CAMTA1: variants seen among roughly 807,000 people sequenced by gnomAD.
The protein encoded by CAMTA1 is calmodulin-binding transcription activator 1.
In CAMTA1, 27 loss-of-function variants were observed where a neutral mutation model predicts 170.9. That is an observed-to-expected ratio of 0.16 (90% CI 0.12 to 0.22). The LOEUF is 0.22. Ranked by LOEUF, CAMTA1 falls within the 10% of genes least tolerant of loss-of-function variation. The pLI, the probability that CAMTA1 is intolerant of heterozygous loss-of-function variation, is 1.00. For synonymous variants in CAMTA1, 833 were observed against 891.5 expected, an observed-to-expected ratio of 0.93 and a Z score of 1.17; for missense variants, 1,619 against 2,217.2, an observed-to-expected ratio of 0.73 and a Z score of 5.42.
intron 11 of CAMTA1, among the ~76,000 whole-genome samples, chr1:7,727,659 A>G (rs2096700550): frequency 6.6e-6 from 1 of 152,242 alleles, no homozygotes; most frequent in South Asian, 2.1e-4. Context: ...TGTATTCCCT[A>G]TATCCCGTAA....
At chr1:7,421,504 G>T (rs114501806) in intron 5 of CAMTA1, among the ~76,000 whole-genome samples, 1 of 152,150 alleles carries the variant, frequency 6.6e-6, no homozygotes, top group Non-Finnish European at 1.5e-5. Context: ...GAGGCTGAAC[G>T]TGACGAGTGC....
intron 4 of CAMTA1, among the ~76,000 whole-genome samples, chr1:7,227,476 C>G (rs762062676): frequency 1.3e-5 from 2 of 152,114 alleles, no homozygotes; most frequent in Admixed American, 6.5e-5. Context: ...TACAGGCATG[C>G]GCCACCATGC....
chr1:7,607,901 A>G (rs1210647570), intron 6 of CAMTA1, among the ~76,000 whole-genome samples: 1 of 152,174 alleles, frequency 6.6e-6, no homozygotes, highest in East Asian at 1.9e-4. Flanking sequence ...TTGTTGGAGT[A>G]GACTGTGTGG....
chr1:7,743,826 TC>T (rs2096835908), intron 16 of CAMTA1, among the ~76,000 whole-genome samples: 1 of 151,450 alleles, frequency 6.6e-6, no homozygotes, highest in Non-Finnish European at 1.5e-5. Flanking sequence ...TTTTTTCTTT[TC>T]TTTTCTTTTT....
chr1:7,354,118 C>A (rs1175202534), intron 5 of CAMTA1, among the ~76,000 whole-genome samples: 1 of 151,870 alleles, frequency 6.6e-6, no homozygotes, highest in African/African-American at 2.4e-5. Flanking sequence ...CGTAGTATTC[C>A]ACGGTGCATA....
chr1:7,129,870 T>G (rs530594332), intron 4 of CAMTA1, among the ~76,000 whole-genome samples: 9 of 152,250 alleles, frequency 5.9e-5, no homozygotes, highest in Non-Finnish European at 1.0e-4. Flanking sequence ...TTCTAGCATT[T>G]TATAAGTATG....
chr1:6,899,559 CA>C (rs1468095768), intron 3 of CAMTA1, among the ~76,000 whole-genome samples: 1 of 83,144 alleles, frequency 1.2e-5, no homozygotes, highest in Non-Finnish European at 2.2e-5. Context: ...CGCGCGCACA[CA>C]CACACACACA....
intron 11 of CAMTA1, among the ~76,000 whole-genome samples, chr1:7,696,495 G>GTT (rs368573981): frequency 0.01 from 1,533 of 147,310 alleles, 14 homozygotes; most frequent in African/African-American, 0.023. Flanking sequence ...TGCCCAGCCA[G>GTT]TTTTTTTTTT....
At position 7,215,691 on chromosome 1, in the gene CAMTA1, A is replaced by T. The variant is rs190895931; in HGVS notation, c.303-33800A>T. Among the ~76,000 whole-genome samples the T allele has an allele frequency of 2.4e-4, 37 of 152,288 alleles. No homozygotes were observed. The East Asian group carries it at 6.9e-3, about 29-fold the overall frequency. On this transcript the variant is annotated intron_variant, in intron 4 of 22. Transcript: ENST00000303635. ...TTACAGGTGTGAGCCACCGTGCCTT[A>T]CCTGGTATGTAGTGTTTTCATGATC... is the stretch of plus-strand genomic sequence containing the variant.
chr1:7,441,946 C>T (rs149742325), intron 5 of CAMTA1, among the ~76,000 whole-genome samples: 4 of 152,250 alleles, frequency 2.6e-5, no homozygotes, highest in South Asian at 2.1e-4. Context: ...AAGGAGGCCT[C>T]GATTCCGGCG....
intron 4 of CAMTA1, among the ~76,000 whole-genome samples, chr1:7,132,708 G>A (rs9434477): frequency 0.62 from 94,677 of 151,918 alleles, 30,087 homozygotes; most frequent in African/African-American, 0.75. Context: ...CAATAATAAC[G>A]TATTATATAG....
At chr1:6,926,437 TC>T (rs1283914861) in intron 3 of CAMTA1, among the ~76,000 whole-genome samples, 18 of 103,558 alleles carry the variant, frequency 1.7e-4, no homozygotes, top group African/African-American at 6.7e-4. Flanking sequence ...TTCTTTCTTT[TC>T]TCTTTCTTTC....
In CAMTA1 at chr1:7,231,407, G is replaced by A. The variant is rs1047951724; in HGVS notation, c.303-18084G>A. 3.3e-5 allele frequency among the ~76,000 whole-genome samples: 5 copies of A among 150,370 alleles called. 1 individual carries two copies. Among genetic ancestry groups the A allele is most frequent in the South Asian group, 2.1e-4 (1 of 4,744 alleles). On this transcript the variant is annotated intron_variant, in intron 4 of 22. Coordinates refer to ENST00000303635, the MANE Select transcript of CAMTA1 (RefSeq NM_015215.4). ...TTTTTTGAAAGAGTCTCGCTCTGTCGCCCAGGCTGGAGTGCAGTGGCATGA... is the reference window on the plus strand; with the variant it reads ...TTTTTTGAAAGAGTCTCGCTCTGTCACCCAGGCTGGAGTGCAGTGGCATGA...
intron 5 of CAMTA1, among the ~76,000 whole-genome samples, chr1:7,353,344 C>T (rs1476315808): frequency 2.6e-5 from 4 of 152,120 alleles, no homozygotes; most frequent in Admixed American, 6.5e-5. Flanking sequence ...CATCTAGCCA[C>T]CTATGCAGTG....
At chr1:6,797,952 AT>A (rs1162382348) in intron 1 of CAMTA1, among the ~76,000 whole-genome samples, 1 of 151,470 alleles carries the variant, frequency 6.6e-6, no homozygotes, top group East Asian at 1.9e-4. Flanking sequence ...TTTAAATATA[AT>A]TTCTATAAAA....
At chr1:7,416,478 T>G (rs938643156) in intron 5 of CAMTA1, among the ~76,000 whole-genome samples, 1 of 152,226 alleles carries the variant, frequency 6.6e-6, no homozygotes, top group Non-Finnish European at 1.5e-5. Context: ...CTTTTTTCTC[T>G]AAACTTCTCT....
At position 7,767,713 on chromosome 1, in the gene CAMTA1, GAAAT is replaced by G. The variant is rs1320610125; in HGVS notation, c.*1223_*1226del. ...ATATGTGCATGAAATCAAGAAAAAA[GAAAT>G]GAACAAAAGCAAAGCATTAGTGGCT... On this transcript the variant is annotated 3_prime_UTR_variant, in exon 23 of 23. Transcript: ENST00000303635. 1 of 152,276 alleles carries G rather than the reference GAAAT, an allele frequency of 6.6e-6. No homozygotes were observed. Among genetic ancestry groups the G allele is most frequent in the Non-Finnish European group, 1.5e-5 (1 of 67,892 alleles). The allele number at this position is 152,276 out of a possible 1,614,324, so 9.4% of individuals were successfully genotyped here. A position where few individuals can be genotyped will look rare whatever the true frequency, so the allele number is the denominator to read the frequency against.
chr1:6,926,252 T>A (rs1022941391), intron 3 of CAMTA1, among the ~76,000 whole-genome samples: 1 of 152,098 alleles, frequency 6.6e-6, no homozygotes, highest in Non-Finnish European at 1.5e-5. Flanking sequence ...TCCCAAACTT[T>A]CTTGCATCTT....
chr1:6,926,429 C>CT (rs1269732258), intron 3 of CAMTA1, among the ~76,000 whole-genome samples: 19 of 135,748 alleles, frequency 1.4e-4, no homozygotes, highest in African/African-American at 4.8e-4. Context: ...TTTTCTCTTT[C>CT]TTTCTTTTCT....
Sources: allele counts gnomAD v4.1 joint callset (sites outside exome capture counted in the v4.1 genomes callset), GRCh38; gene constraint gnomAD v4.1.1; transcripts MANE v1.5; gene names NCBI Gene and HGNC (gene_info 2026-07-23, HGNC 2026-07-21).